Variants in TNR observed in about 807,000 individuals in gnomAD.
TNR encodes tenascin R.
TNR carries 45 observed loss-of-function variants against 150.4 expected under a neutral mutation model. The observed-to-expected ratio is 0.30, with a 90% CI of 0.24 to 0.38. TNR has a LOEUF of 0.38. Among genes scored for constraint, TNR ranks in the 10% least tolerant of loss-of-function variants. The pLI is 1.00. For synonymous variants in TNR, 687 were observed against 678.4 expected (o/e 1.01, Z -0.20); for missense variants, 1,544 against 1,759.1 (o/e 0.88, Z 2.19).
At chr1:175,361,413 G>T (rs2102010509) in intron 14 of TNR, among the ~76,000 whole-genome samples, 2 of 152,264 alleles carry the variant, frequency 1.3e-5, no homozygotes, top group Middle Eastern at 6.8e-3. Context: ...AACACTTGTT[G>T]ATATTTTAAT....
intron 2 of TNR, among the ~76,000 whole-genome samples, chr1:175,461,869 T>G (rs1259999375): frequency 1.3e-5 from 2 of 152,196 alleles, no homozygotes; most frequent in Non-Finnish European, 2.9e-5. Flanking sequence ...TGCAGGGAGG[T>G]GTTCTAGGCA....
At chr1:175,544,901 G>A (rs556688607) in intron 1 of TNR, among the ~76,000 whole-genome samples, 51 of 152,346 alleles carry the variant, frequency 3.3e-4, no homozygotes, top group Non-Finnish European at 6.2e-4. Flanking sequence ...GTGAGCAAAG[G>A]TGATAGACAC....
In TNR at chr1:175,323,435, G is replaced by T; in HGVS notation, c.3999C>A (p.Ile1333=). ...WYHWKGHEFS[I]PFVEMKMRPY... is the part of the protein sequence containing the mutation. ...GGCGCATCTTCATTTCCACAAAGGG[G>T]ATGGAGAACTCATGGCCTTTCCAAT... is the stretch of plus-strand genomic sequence containing the variant. Residue 1333 remains isoleucine (I), a synonymous_variant, in exon 23 of 23, where the codon ATC becomes ATA. Coordinates refer to ENST00000367674, the MANE Select transcript of TNR (RefSeq NM_003285.3). 6.2e-7 allele frequency: 1 copy of T among 1,614,104 alleles called. No homozygotes were observed. The highest frequency in any genetic ancestry group is 8.5e-7 in the Non-Finnish European group (1 of 1,179,960).
At chr1:175,685,179 G>T (rs1430934594) in intron 1 of TNR, among the ~76,000 whole-genome samples, 1 of 152,078 alleles carries the variant, frequency 6.6e-6, no homozygotes, top group Non-Finnish European at 1.5e-5. Flanking sequence ...TTGCTTCTGA[G>T]ATCTTTTCAC....
intron 1 of TNR, among the ~76,000 whole-genome samples, chr1:175,703,152 A>G (rs1023065733): frequency 6.6e-6 from 1 of 152,210 alleles, no homozygotes; most frequent in Admixed American, 6.5e-5. Context: ...AATGTTAAAA[A>G]TATTTACATT....
At chr1:175,517,050 AGAGAGAGAAAGAG>A (rs1659440867) in intron 2 of TNR, among the ~76,000 whole-genome samples, 2 of 147,698 alleles carry the variant, frequency 1.4e-5, no homozygotes, top group African/African-American at 5.3e-5. Context: ...AGAGAGAGAG[AGAGAGAGAAAGAG>A]AGAGAGACCT....
At position 175,335,742 on chromosome 1, in the gene TNR, G is replaced by A; in HGVS notation, c.3600C>T (p.Gly1200=). 6.2e-7 allele frequency: 1 copy of A among 1,614,120 alleles called. No homozygotes were observed. Among genetic ancestry groups the A allele is most frequent in the Non-Finnish European group, 8.5e-7 (1 of 1,180,018 alleles). The change falls in exon 20 of 23, where the codon GGC becomes GGT. Residue 1200 remains glycine (G), a synonymous_variant. Coordinates refer to ENST00000367674, the MANE Select transcript of TNR (RefSeq NM_003285.3). ...AGAACTCATCCTCCACGTTCCCGAA[G>A]CCAACACGGTAATCAGCCCATTTCC... ...FFRKWADYRV[G]FGNVEDEFWL... is the part of the protein sequence containing the mutation.
At chr1:175,701,953 T>C (rs1267307144) in intron 1 of TNR, among the ~76,000 whole-genome samples, 1 of 152,254 alleles carries the variant, frequency 6.6e-6, no homozygotes, top group African/African-American at 2.4e-5. Context: ...CACAGATATT[T>C]GGCAGTCGAT....
chr1:175,652,014 T>C (rs1665011219), intron 1 of TNR, among the ~76,000 whole-genome samples: 1 of 150,368 alleles, frequency 6.7e-6, no homozygotes, highest in Non-Finnish European at 1.5e-5. Context: ...TCTTTATGAT[T>C]TTAAAATAAC....
At chr1:175,392,715 CA>C (rs1264500109) in intron 6 of TNR, among the ~76,000 whole-genome samples, 2 of 152,142 alleles carry the variant, frequency 1.3e-5, no homozygotes, top group Non-Finnish European at 2.9e-5. Flanking sequence ...ATGGGGCATA[CA>C]GATTTAGTGA....
At chr1:175,630,719 G>A (rs1664299178) in intron 1 of TNR, among the ~76,000 whole-genome samples, 1 of 152,126 alleles carries the variant, frequency 6.6e-6, no homozygotes. Flanking sequence ...TCCTTTTAAT[G>A]AATAAAACAC....
rs1663131742 is a variant in TNR at position 175,599,270 on chromosome 1, C to T, written c.-164-70901G>A. The stretch of plus-strand genomic sequence containing the variant: ...TCACCGCTCCTCCCTTTCAGGCGCC[C>T]GGGTTTGCCCACCGCGAAGAGCAGT... On this transcript the variant is annotated intron_variant, in intron 1 of 22. Coordinates refer to ENST00000367674, the MANE Select transcript of TNR (RefSeq NM_003285.3). This position sits in a 1 kb window ranked among gnomAD's most constrained non-coding sequence, Gnocchi z 4.7. Among the ~76,000 whole-genome samples, 1 of 152,162 alleles carries T rather than the reference C, an allele frequency of 6.6e-6. No individual in the cohort carries two copies. Among genetic ancestry groups the T allele is most frequent in the South Asian group, 2.1e-4 (1 of 4,828 alleles).
At chr1:175,707,201 C>CA (rs1666866986) in intron 1 of TNR, among the ~76,000 whole-genome samples, 1 of 152,194 alleles carries the variant, frequency 6.6e-6, no homozygotes, top group Non-Finnish European at 1.5e-5. Flanking sequence ...TTCCAGGTCT[C>CA]AATTCCAAAC....
chr1:175,359,716 A>G lies in TNR; in HGVS notation c.2870T>C (p.Val957Ala). 6.2e-7 allele frequency: 1 copy of G among 1,612,920 alleles called. No homozygotes were observed. Among genetic ancestry groups the G allele is most frequent in the South Asian group, 1.1e-5 (1 of 90,890 alleles). The change falls in exon 15 of 23, where the codon GTG becomes GCG. Residue 957 changes from valine (V) to alanine (A), a missense_variant. Val to Ala is a moderately conservative substitution (Grantham distance 64, BLOSUM62 0). Transcript: ENST00000367674. ...TLVHTAMDNP[V>A]DLIATNITPT... Reference sequence around the variant, plus strand: ...AGTGATATTGGTAGCAATCAGATCCACAGGGTTGTCCATGGCTGAAACAGA... The same window carrying G: ...AGTGATATTGGTAGCAATCAGATCCGCAGGGTTGTCCATGGCTGAAACAGA...
chr1:175,495,860 A>G lies in TNR; in HGVS notation c.-64+32409T>C, dbSNP rs78861007. On this transcript the variant is annotated intron_variant, in intron 2 of 22. Transcript: ENST00000367674. ...GTCACAATAATCCTCGCACACTCAAACTGTATCTTTTCGAATTCATTCAGG... is the reference window on the plus strand; with the variant it reads ...GTCACAATAATCCTCGCACACTCAAGCTGTATCTTTTCGAATTCATTCAGG... Among the ~76,000 whole-genome samples, 644 of 152,322 alleles carry G rather than the reference A, an allele frequency of 4.2e-3. 5 individuals carry two copies. Among genetic ancestry groups the G allele is most frequent in the African/African-American group, 0.015 (611 of 41,564 alleles).
chr1:175,511,683 C>T (rs371231965), intron 2 of TNR, among the ~76,000 whole-genome samples: 2 of 152,204 alleles, frequency 1.3e-5, no homozygotes, highest in African/African-American at 4.8e-5. Flanking sequence ...GAAGCCCTGC[C>T]TGAAAGGGAA....
chr1:175,478,288 C>G (rs903461300), intron 2 of TNR, among the ~76,000 whole-genome samples: 6 of 152,062 alleles, frequency 3.9e-5, no homozygotes, highest in African/African-American at 1.5e-4. Flanking sequence ...CCACATGGAG[C>G]AACATTAGTA....
Position 175,323,255 on chromosome 1 carries a change from A to C in TNR, c.*102T>G. The C allele has an allele frequency of 1.4e-6, 2 of 1,472,940 alleles. No individual in the cohort carries two copies. The highest frequency in any genetic ancestry group is 1.9e-6 in the Non-Finnish European group (2 of 1,079,882). 91.2% of individuals were successfully genotyped at this position (1,472,940 alleles called of 1,614,324 possible). On this transcript the variant is annotated 3_prime_UTR_variant, in exon 23 of 23. Transcript: ENST00000367674. ...TCCCTGCTTCCTTCACATACTCTTA[A>C]TATGTTGCAAAACACATTGCTATTA...
At chr1:175,554,863 T>C (rs576176448) in intron 1 of TNR, among the ~76,000 whole-genome samples, 1 of 152,364 alleles carries the variant, frequency 6.6e-6, no homozygotes, top group East Asian at 1.9e-4. Flanking sequence ...ATTGAGCCTT[T>C]GAGATCATCT....
Sources: allele counts gnomAD v4.1 joint callset (sites outside exome capture counted in the v4.1 genomes callset), GRCh38; gene constraint gnomAD v4.1.1; non-coding constraint Gnocchi (gnomAD v3.1); transcripts MANE v1.5; gene names NCBI Gene and HGNC (gene_info 2026-07-23, HGNC 2026-07-21).